Variants in SDK1 observed in about 807,000 individuals in gnomAD.
SDK1 encodes sidekick cell adhesion molecule 1.
Under a neutral mutation model 245.5 loss-of-function variants are expected in SDK1, and 157 were observed. The observed-to-expected ratio is 0.64, with a 90% CI of 0.56 to 0.73. The LOEUF is 0.73. Among genes scored for constraint, SDK1 ranks in the 30% least tolerant of loss-of-function variants. The pLI, the probability that SDK1 is intolerant of heterozygous loss-of-function variation, is 0.00. For synonymous variants in SDK1, 1,647 were observed against 1,278.5 expected, an observed-to-expected ratio of 1.29 and a Z score of -6.15; for missense variants, 3,583 against 3,002.3, an observed-to-expected ratio of 1.19 and a Z score of -4.52.
intron 1 of SDK1, among the ~76,000 whole-genome samples, chr7:3,611,727 A>G (rs992768253): frequency 6.6e-6 from 1 of 152,064 alleles, no homozygotes; most frequent in Non-Finnish European, 1.5e-5. Flanking sequence ...TTGATTTTTG[A>G]AAAATTATGG....
intron 17 of SDK1, among the ~76,000 whole-genome samples, chr7:4,019,808 T>C (rs1487624206): frequency 6.6e-6 from 1 of 152,114 alleles, no homozygotes; most frequent in Non-Finnish European, 1.5e-5. Context: ...CGTGTCTTCT[T>C]CATGTCTTCT....
chr7:3,809,210 G>C (rs12701175), intron 4 of SDK1, among the ~76,000 whole-genome samples: 17,091 of 152,088 alleles, frequency 0.11, 1,562 homozygotes, highest in African/African-American at 0.25. Context: ...GAGGGAACGA[G>C]AGAAGGGGGA....
intron 14 of SDK1, among the ~76,000 whole-genome samples, chr7:3,992,030 C>T (rs1784367489): frequency 6.6e-6 from 1 of 152,236 alleles, no homozygotes; most frequent in African/African-American, 2.4e-5. Flanking sequence ...TAAATAGCGC[C>T]ATCTACTAGG....
intron 4 of SDK1, among the ~76,000 whole-genome samples, chr7:3,801,414 A>C (rs912727211): frequency 5.3e-5 from 8 of 152,178 alleles, no homozygotes; most frequent in Non-Finnish European, 1.5e-5. Flanking sequence ...TGAATGTTTA[A>C]TCCTTTTTTA....
At chr7:3,776,666 A>G (rs1480101996) in intron 4 of SDK1, among the ~76,000 whole-genome samples, 1 of 152,186 alleles carries the variant, frequency 6.6e-6, no homozygotes, top group African/African-American at 2.4e-5. Flanking sequence ...TAACTGACCT[A>G]TAAAACAACC....
At chr7:3,999,537 C>T (rs186559806) in intron 14 of SDK1, among the ~76,000 whole-genome samples, 2 of 152,254 alleles carry the variant, frequency 1.3e-5, no homozygotes, top group Admixed American at 6.5e-5. Context: ...AATGTTCAAA[C>T]GGTCAGTATT....
chr7:4,242,162 G>A (rs1039877291), intron 43 of SDK1, among the ~76,000 whole-genome samples: 1 of 152,164 alleles, frequency 6.6e-6, no homozygotes, highest in Non-Finnish European at 1.5e-5. Context: ...TCAGGTGTGT[G>A]GGAAGGGCCT....
intron 4 of SDK1, among the ~76,000 whole-genome samples, chr7:3,758,328 T>C (rs1411217060): frequency 6.6e-6 from 1 of 152,232 alleles, no homozygotes; most frequent in East Asian, 1.9e-4. Context: ...TCTTCCTACA[T>C]TTGTTTTTTG....
intron 3 of SDK1, among the ~76,000 whole-genome samples, chr7:3,641,115 C>T (rs1192321044): frequency 6.6e-6 from 1 of 152,032 alleles, no homozygotes; most frequent in Non-Finnish European, 1.5e-5. Context: ...AAGTATTAGA[C>T]ACTGTCACAT....
intron 10 of SDK1, 108 bp from the exon 11 acceptor site, chr7:3,969,149 T>G: frequency 1.0e-6 from 1 of 994,688 alleles, no homozygotes; most frequent in Non-Finnish European, 1.4e-6. Context: ...GAGACTTGGG[T>G]GGGGACACGG....
chr7:3,635,754 T>G (rs150271491), intron 2 of SDK1, among the ~76,000 whole-genome samples: 66 of 152,302 alleles, frequency 4.3e-4, no homozygotes, highest in African/African-American at 1.5e-3. Context: ...TCACCCAGGC[T>G]GGAGTGCAGT....
At chr7:3,788,816 G>A (rs933296416) in intron 4 of SDK1, among the ~76,000 whole-genome samples, 1 of 152,144 alleles carries the variant, frequency 6.6e-6, no homozygotes, top group African/African-American at 2.4e-5. Context: ...AGCATCATTC[G>A]CCCTTGCCTC....
chr7:3,921,620 T>C (rs562729668), intron 5 of SDK1, among the ~76,000 whole-genome samples: 1 of 152,046 alleles, frequency 6.6e-6, no homozygotes, highest in South Asian at 2.1e-4. Flanking sequence ...AATGAGGGAA[T>C]CTAAAGGCGC....
chr7:3,873,362 A>T (rs1781003383), intron 5 of SDK1, among the ~76,000 whole-genome samples: 1 of 151,890 alleles, frequency 6.6e-6, no homozygotes, highest in African/African-American at 2.4e-5. Context: ...GGCTTCCTTA[A>T]ATATTTTTTA....
Position 4,043,335 on chromosome 7 carries a change from T to G in SDK1, c.2603-6013T>G, listed in dbSNP as rs1006781564. Among the ~76,000 whole-genome samples, 14 of 133,004 alleles carry G rather than the reference T, an allele frequency of 1.1e-4. 1 individual carries two copies. Among genetic ancestry groups the G allele is most frequent in the African/African-American group, 3.7e-4 (13 of 34,896 alleles). The allele number at this position is 133,004 out of a possible 152,430, so 87.3% of individuals were successfully genotyped here. On this transcript the variant is annotated intron_variant, in intron 17 of 44. Coordinates refer to ENST00000404826, the MANE Select transcript of SDK1 (RefSeq NM_152744.4). Reference sequence around the variant, plus strand: ...AGTGAGTCACAGCCGGGGGCCCAGGTAGAGTGAGTGTCACAGCCAGGGACC... The same window carrying G: ...AGTGAGTCACAGCCGGGGGCCCAGGGAGAGTGAGTGTCACAGCCAGGGACC...
intron 5 of SDK1, among the ~76,000 whole-genome samples, chr7:3,940,981 C>T (rs949862003): frequency 2.6e-5 from 4 of 151,948 alleles, no homozygotes; most frequent in African/African-American, 9.7e-5. Flanking sequence ...ACCCCGCAGG[C>T]ACGTCTTAGG....
At chr7:3,806,262 T>C (rs746687969) in intron 4 of SDK1, among the ~76,000 whole-genome samples, 10 of 149,652 alleles carry the variant, frequency 6.7e-5, no homozygotes, top group Non-Finnish European at 1.0e-4. Context: ...CCCTTTCCCA[T>C]GTGAGGTAAC....
At chr7:3,988,303 G>A (rs1239989638) in intron 14 of SDK1, among the ~76,000 whole-genome samples, 1 of 151,304 alleles carries the variant, frequency 6.6e-6, no homozygotes, top group Non-Finnish European at 1.5e-5. Context: ...AGTCCTATCA[G>A]TCTGTTAACT....
intron 1 of SDK1, among the ~76,000 whole-genome samples, chr7:3,375,492 G>A (rs1781332386): frequency 6.6e-6 from 1 of 152,202 alleles, no homozygotes; most frequent in African/African-American, 2.4e-5. Flanking sequence ...CCTTACATGT[G>A]TAGGGCTGAC....
Sources: allele counts gnomAD v4.1 joint callset (sites outside exome capture counted in the v4.1 genomes callset), GRCh38; gene constraint gnomAD v4.1.1; transcripts MANE v1.5; gene names NCBI Gene and HGNC (gene_info 2026-07-23, HGNC 2026-07-21).